SORCS3: variants seen among roughly 807,000 people sequenced by gnomAD.
SORCS3 encodes VPS10 domain-containing receptor SorCS3.
In SORCS3, 57 loss-of-function variants were observed where a neutral mutation model predicts 146.3. That is an observed-to-expected ratio of 0.39 (90% CI 0.31 to 0.49). The LOEUF (loss-of-function observed/expected upper bound fraction) is 0.49, where lower values mean the gene tolerates loss of function less well. Among genes scored for constraint, SORCS3 ranks in the 20% least tolerant of loss-of-function variants. The probability of loss-of-function intolerance (pLI) is 0.92; values close to 1 mark genes in which losing one functional copy is unlikely to be tolerated. For missense variants in SORCS3, 1,341 were observed against 1,575.5 expected (o/e 0.85, Z 2.52); for synonymous variants, 653 against 618.5 (o/e 1.06, Z -0.83).
intron 20 of SORCS3, among the ~76,000 whole-genome samples, chr10:105,243,053 T>TTATATATTTA (rs1194657763): frequency 3.1e-4 from 43 of 136,754 alleles, no homozygotes; most frequent in African/African-American, 1.1e-3. Flanking sequence ...TTATATATAT[T>TTATATATTTA]TATATATTTA....
chr10:104,953,451 G>A (rs538638402), intron 3 of SORCS3, among the ~76,000 whole-genome samples: 35 of 152,310 alleles, frequency 2.3e-4, no homozygotes, highest in African/African-American at 8.2e-4. Flanking sequence ...TTGTTAAAAG[G>A]TAGATTCAGG....
chr10:104,728,546 G>A (rs985668840), intron 1 of SORCS3, among the ~76,000 whole-genome samples: 2 of 152,182 alleles, frequency 1.3e-5, no homozygotes, highest in African/African-American at 2.4e-5. Context: ...AGAGTAGAAC[G>A]ATTAGGTGAT....
intron 1 of SORCS3, among the ~76,000 whole-genome samples, chr10:104,695,587 T>C (rs2016164897): frequency 6.6e-6 from 1 of 152,024 alleles, no homozygotes; most frequent in South Asian, 2.1e-4. Flanking sequence ...GTAACCACCC[T>C]CACAAGTTTA....
Position 104,940,497 on chromosome 10 carries a change from CT to C in SORCS3, c.795+24572del, listed in dbSNP as rs1380444741. 2.7e-5 allele frequency among the ~76,000 whole-genome samples: 4 copies of C among 148,888 alleles called. No homozygotes were observed. The East Asian group carries it at 8.1e-4, about 30-fold the overall frequency. ...TATGAGTGACAACATGCGGCGTTCGCTTTTTTTGTCCTTGTGATAGTTTGCT... is the reference window on the plus strand; with the variant it reads ...TATGAGTGACAACATGCGGCGTTCGCTTTTTTGTCCTTGTGATAGTTTGCT... On this transcript the variant is annotated intron_variant, in intron 3 of 26. Transcript: ENST00000369701.
At chr10:104,686,922 CATCT>C (rs1159258533) in intron 1 of SORCS3, among the ~76,000 whole-genome samples, 2 of 128,436 alleles carry the variant, frequency 1.6e-5, no homozygotes, top group Admixed American at 7.6e-5. Context: ...TCTGTCAATC[CATCT>C]ATCCATCCAT....
intron 7 of SORCS3, among the ~76,000 whole-genome samples, chr10:105,129,256 A>G (rs1236472924): frequency 6.6e-6 from 1 of 151,862 alleles, no homozygotes; most frequent in African/African-American, 2.4e-5. Flanking sequence ...ACAACCATAT[A>G]AGCTAGATCT....
At chr10:104,935,359 T>G (rs2019249853) in intron 3 of SORCS3, among the ~76,000 whole-genome samples, 1 of 152,222 alleles carries the variant, frequency 6.6e-6, no homozygotes, top group Admixed American at 6.5e-5. Context: ...ATCTCAACTC[T>G]GGCTGCTCTT....
rs2016059172 is a variant in SORCS3 at position 104,687,495 on chromosome 10, A to G, written c.627+45541A>G. ...ATGCCTAGGAGAGGCCACCCCAAAC[A>G]TAAATACACACTAAGGTGTAAATGA... On this transcript the variant is annotated intron_variant, in intron 1 of 26. Transcript: ENST00000369701. Among the ~76,000 whole-genome samples, 3 of 152,194 alleles carry G rather than the reference A, an allele frequency of 2.0e-5. No homozygotes were observed. The East Asian group carries it at 5.8e-4, about 29-fold the overall frequency.
At chr10:104,821,170 T>C (rs1315008535) in intron 1 of SORCS3, among the ~76,000 whole-genome samples, 1 of 152,178 alleles carries the variant, frequency 6.6e-6, no homozygotes, top group Non-Finnish European at 1.5e-5. Context: ...TTCTCTATAC[T>C]CTGTTGGTTG....
chr10:104,974,538 C>T (rs539749275), intron 3 of SORCS3, among the ~76,000 whole-genome samples: 15 of 151,624 alleles, frequency 9.9e-5, no homozygotes, highest in Admixed American at 5.2e-4. Context: ...TTTTGTTTTC[C>T]GTTTGCTTGG....
chr10:104,738,319 T>C (rs2016800738), intron 1 of SORCS3, among the ~76,000 whole-genome samples: 1 of 152,220 alleles, frequency 6.6e-6, no homozygotes, highest in Non-Finnish European at 1.5e-5. Context: ...ATTTTAAATG[T>C]GATCATTTTT....
chr10:105,210,802 G>C (rs2056628807), intron 16 of SORCS3, among the ~76,000 whole-genome samples: 1 of 152,124 alleles, frequency 6.6e-6, no homozygotes, highest in African/African-American at 2.4e-5. Flanking sequence ...TAATTCTACT[G>C]TGACTTAAAA....
At chr10:104,935,629 A>C (rs894567028) in intron 3 of SORCS3, among the ~76,000 whole-genome samples, 3 of 152,126 alleles carry the variant, frequency 2.0e-5, no homozygotes, top group Non-Finnish European at 4.4e-5. Flanking sequence ...TAAGCATTGC[A>C]AGTCACAAGA....
intron 21 of SORCS3, among the ~76,000 whole-genome samples, chr10:105,246,075 A>G (rs752605907): frequency 2.0e-5 from 3 of 152,192 alleles, no homozygotes; most frequent in Admixed American, 6.5e-5. Flanking sequence ...GATGATCTCT[A>G]TTCACAACAG....
At chr10:105,050,298 A>G (rs1227379718) in intron 5 of SORCS3, among the ~76,000 whole-genome samples, 1 of 152,080 alleles carries the variant, frequency 6.6e-6, no homozygotes, top group Non-Finnish European at 1.5e-5. Context: ...TGAATGGAAT[A>G]TGGCAGAGGT....
chr10:104,853,819 A>C (rs1362551296), intron 2 of SORCS3, among the ~76,000 whole-genome samples: 3 of 152,228 alleles, frequency 2.0e-5, no homozygotes, highest in Non-Finnish European at 4.4e-5. Flanking sequence ...AAATATGTAC[A>C]ATTTTAAAGA....
intron 20 of SORCS3, among the ~76,000 whole-genome samples, chr10:105,226,442 G>A (rs2056734457): frequency 6.6e-6 from 1 of 151,884 alleles, no homozygotes; most frequent in Non-Finnish European, 1.5e-5. Flanking sequence ...CTGACGTGCT[G>A]TTGGATTCAG....
intron 1 of SORCS3, among the ~76,000 whole-genome samples, chr10:104,684,383 T>C (rs1469767420): frequency 6.6e-6 from 1 of 152,268 alleles, no homozygotes; most frequent in Non-Finnish European, 1.5e-5. Flanking sequence ...TTGCATTCTC[T>C]GGAATAGTGA....
chr10:104,700,518 C>G (rs2016268299), intron 1 of SORCS3, among the ~76,000 whole-genome samples: 1 of 152,196 alleles, frequency 6.6e-6, no homozygotes, highest in Non-Finnish European at 1.5e-5. Flanking sequence ...GTTGACCCCA[C>G]TTGGATCATG....
Sources: allele counts gnomAD v4.1 joint callset (sites outside exome capture counted in the v4.1 genomes callset), GRCh38; gene constraint gnomAD v4.1.1; transcripts MANE v1.5; gene names NCBI Gene and HGNC (gene_info 2026-07-23, HGNC 2026-07-21).